The following TSHZ2 variants were observed in gnomAD, a reference collection of about 807,000 sequenced individuals.
TSHZ2 encodes teashirt homolog 2.
In TSHZ2, 21 loss-of-function variants were observed where a neutral mutation model predicts 74.4. That is an observed-to-expected ratio of 0.28 (90% CI 0.20 to 0.41). The LOEUF is 0.41. Among genes scored for constraint, TSHZ2 ranks in the 10% least tolerant of loss-of-function variants. TSHZ2 has a pLI of 1.00. For synonymous variants in TSHZ2, 540 were observed against 515.3 expected, an observed-to-expected ratio of 1.05 and a Z score of -0.65; for missense variants, 1,244 against 1,293.5, an observed-to-expected ratio of 0.96 and a Z score of 0.59.
intron 1 of TSHZ2, among the ~76,000 whole-genome samples, chr20:53,023,957 A>G (rs576750461): frequency 8.9e-4 from 136 of 152,210 alleles, no homozygotes; most frequent in African/African-American, 3.1e-3. Context: ...CAGCCTTTCC[A>G]TTGTAGTCAC....
chr20:53,080,655 A>G (rs533807233), intron 1 of TSHZ2, among the ~76,000 whole-genome samples: 3 of 152,288 alleles, frequency 2.0e-5, no homozygotes, highest in East Asian at 1.9e-4. Context: ...TCGTACTCCT[A>G]TGAAAATCGA....
intron 1 of TSHZ2, among the ~76,000 whole-genome samples, chr20:53,113,979 A>C (rs960520268): frequency 6.6e-6 from 1 of 151,900 alleles, no homozygotes; most frequent in Non-Finnish European, 1.5e-5. Context: ...TTATAATCTC[A>C]GCTACTCAGG....
At chr20:53,447,214 C>T (rs998905118) in intron 2 of TSHZ2, among the ~76,000 whole-genome samples, 4 of 152,120 alleles carry the variant, frequency 2.6e-5, no homozygotes, top group Non-Finnish European at 4.4e-5. Context: ...GACCACTCAC[C>T]GGACTTCAGT....
chr20:53,451,943 AAGC>A (rs1486931900), intron 2 of TSHZ2, among the ~76,000 whole-genome samples: 9 of 152,264 alleles, frequency 5.9e-5, no homozygotes, highest in Admixed American at 5.2e-4. Flanking sequence ...AGAGCCTAGA[AAGC>A]AGGTCGAATC....
chr20:53,271,592 C>T (rs188535533), intron 2 of TSHZ2, among the ~76,000 whole-genome samples: 29 of 152,122 alleles, frequency 1.9e-4, no homozygotes, highest in Admixed American at 1.3e-3. Flanking sequence ...AACAGAAGTA[C>T]GGAGCCAGTG....
intron 2 of TSHZ2, among the ~76,000 whole-genome samples, chr20:53,449,269 C>G (rs1165884171): frequency 6.6e-6 from 1 of 152,212 alleles, no homozygotes; most frequent in Non-Finnish European, 1.5e-5. Flanking sequence ...AGATTCTCTT[C>G]TCCTTTCCAA....
chr20:53,364,349 A>T (rs1378977333), intron 2 of TSHZ2, among the ~76,000 whole-genome samples: 3 of 152,198 alleles, frequency 2.0e-5, no homozygotes, highest in Non-Finnish European at 4.4e-5. Flanking sequence ...TATTTTTAAG[A>T]GTTCAAACTT....
At chr20:53,234,407 A>T (rs1047864664) in intron 1 of TSHZ2, among the ~76,000 whole-genome samples, 3 of 152,244 alleles carry the variant, frequency 2.0e-5, no homozygotes, top group Non-Finnish European at 4.4e-5. Flanking sequence ...CAAGCCAAAG[A>T]GACAAAGATA....
At chr20:53,441,279 A>ATTTTATTTTATTTT (rs1984313397) in intron 2 of TSHZ2, among the ~76,000 whole-genome samples, 1 of 82,530 alleles carries the variant, frequency 1.2e-5, no homozygotes, top group Non-Finnish European at 2.8e-5. Flanking sequence ...TATTTTATTT[A>ATTTTATTTTATTTT]TTTTGAGATG....
chr20:53,455,685 G>T (rs907452996), intron 2 of TSHZ2, among the ~76,000 whole-genome samples: 1 of 151,868 alleles, frequency 6.6e-6, no homozygotes, highest in Non-Finnish European at 1.5e-5. Context: ...CTAGCATTAG[G>T]TATATCTCCC....
intron 1 of TSHZ2, among the ~76,000 whole-genome samples, chr20:53,234,939 GT>G (rs1300633561): frequency 6.6e-6 from 1 of 152,104 alleles, no homozygotes; most frequent in African/African-American, 2.4e-5. Context: ...TGCTAGGAGT[GT>G]TAAGCATTGA....
At chr20:53,292,123 T>G (rs1010834618) in intron 2 of TSHZ2, among the ~76,000 whole-genome samples, 1 of 152,138 alleles carries the variant, frequency 6.6e-6, no homozygotes, top group African/African-American at 2.4e-5. Context: ...TCACATATAA[T>G]AATCTTAATA....
intron 1 of TSHZ2, among the ~76,000 whole-genome samples, chr20:53,212,601 C>A (rs993800021): frequency 2.6e-5 from 4 of 152,116 alleles, no homozygotes; most frequent in Non-Finnish European, 5.9e-5. Context: ...GTACAGAAAG[C>A]CCAACTCAAA....
At chr20:53,061,625 C>A (rs1239690684) in intron 1 of TSHZ2, among the ~76,000 whole-genome samples, 2 of 152,148 alleles carry the variant, frequency 1.3e-5, no homozygotes. Flanking sequence ...TTGGAACTTT[C>A]TTTTACTGAC....
At chr20:53,391,450 T>TTTTTG (rs1555858182) in intron 2 of TSHZ2, among the ~76,000 whole-genome samples, 3 of 151,684 alleles carry the variant, frequency 2.0e-5, no homozygotes, top group East Asian at 1.9e-4. Context: ...AGGCCGTTTT[T>TTTTTG]TTTGTTTGTT....
At chr20:52,992,373 T>C (rs573789966) in intron 1 of TSHZ2, among the ~76,000 whole-genome samples, 12 of 152,340 alleles carry the variant, frequency 7.9e-5, no homozygotes, top group Non-Finnish European at 1.3e-4. Flanking sequence ...AAATGTCATA[T>C]AGATAAACCG....
chr20:53,327,615 T>C (rs1452849792), intron 2 of TSHZ2, among the ~76,000 whole-genome samples: 2 of 152,266 alleles, frequency 1.3e-5, no homozygotes, highest in Non-Finnish European at 2.9e-5. Flanking sequence ...GCCTGTTTAC[T>C]CATTCATTGA....
chr20:53,126,844 G>A (rs1986960978), intron 1 of TSHZ2, among the ~76,000 whole-genome samples: 1 of 152,218 alleles, frequency 6.6e-6, no homozygotes, highest in Non-Finnish European at 1.5e-5. Context: ...GTTGTAGATA[G>A]TGGAGGCTGA....
intron 1 of TSHZ2, among the ~76,000 whole-genome samples, chr20:52,979,688 G>A (rs530011048): frequency 6.6e-5 from 10 of 152,088 alleles, no homozygotes; most frequent in East Asian, 5.8e-4. Context: ...AATTTTTTAC[G>A]TTTCCCCTGT....
Sources: allele counts gnomAD v4.1 joint callset (sites outside exome capture counted in the v4.1 genomes callset), GRCh38; gene constraint gnomAD v4.1.1; transcripts MANE v1.5; gene names NCBI Gene and HGNC (gene_info 2026-07-23, HGNC 2026-07-21).